NFIX: variants seen among roughly 807,000 people sequenced by gnomAD.
NFIX encodes the protein nuclear factor 1 X-type.
A neutral mutation model predicts 53.3 loss-of-function variants in NFIX; 2 were observed. The observed-to-expected ratio is 0.04, with a 90% CI of 0.02 to 0.12. The LOEUF (loss-of-function observed/expected upper bound fraction) is 0.12, where lower values mean the gene tolerates loss of function less well. Ranked by LOEUF, NFIX falls within the 10% of genes least tolerant of loss-of-function variation. The pLI, the probability that NFIX is intolerant of heterozygous loss-of-function variation, is 1.00. For missense variants in NFIX, 310 were observed against 674.5 expected (o/e 0.46, Z 5.99); for synonymous variants, 244 against 289.0 (o/e 0.84, Z 1.58).
rs976818977 is a variant in NFIX at position 13,051,540 on chromosome 19, C to T, written c.560-21507C>T. ...TCTAGTCAGCCAGTGACATCTCCCCCGTACCCAGGCCAGTGAGCCAGATTT... is the reference window on the plus strand; with the variant it reads ...TCTAGTCAGCCAGTGACATCTCCCCTGTACCCAGGCCAGTGAGCCAGATTT... On this transcript the variant is annotated intron_variant, in intron 2 of 10. Transcript: ENST00000592199. This position sits in a 1 kb window ranked among gnomAD's most constrained non-coding sequence, Gnocchi z 5.1. Among the ~76,000 whole-genome samples the T allele has an allele frequency of 2.6e-5, 4 of 152,212 alleles. No individual in the cohort carries two copies. Among genetic ancestry groups the T allele is most frequent in the Non-Finnish European group, 4.4e-5 (3 of 68,028 alleles).
At chr19:13,026,172 T>C (rs1018399556) in intron 2 of NFIX, among the ~76,000 whole-genome samples, 1 of 152,202 alleles carries the variant, frequency 6.6e-6, no homozygotes, top group Non-Finnish European at 1.5e-5. Context: ...GCTGTCAGTA[T>C]GAAAGTAATT....
intron 1 of NFIX, among the ~76,000 whole-genome samples, chr19:12,997,221 C>T (rs1217148071): frequency 1.3e-5 from 2 of 152,178 alleles, no homozygotes; most frequent in African/African-American, 2.4e-5. Flanking sequence ...AGGGGTTTGT[C>T]GGGGTGTGTG....
rs987734934 is a variant in NFIX, at chr19:13,052,588, C to T, written c.560-20459C>T. On this transcript the variant is annotated intron_variant, in intron 2 of 10. Coordinates refer to ENST00000592199, the MANE Select transcript of NFIX (RefSeq NM_001365902.3). This position sits in a 1 kb window ranked among gnomAD's most constrained non-coding sequence, Gnocchi z 5.2. The stretch of plus-strand genomic sequence containing the variant: ...GGGCACACTCCTGGCTTAGATAAGA[C>T]AATCCAGATTCTCTCAGAGAAACAG... 6.6e-6 allele frequency among the ~76,000 whole-genome samples: 1 copy of T among 152,186 alleles called. No homozygotes were observed. Among genetic ancestry groups the T allele is most frequent in the African/African-American group, 2.4e-5 (1 of 41,444 alleles).
chr19:13,092,862 G>A (rs1171867508), intron 10 of NFIX, among the ~76,000 whole-genome samples: 3 of 152,258 alleles, frequency 2.0e-5, no homozygotes, highest in Non-Finnish European at 4.4e-5. Context: ...AGCCTCGCCA[G>A]GCCCCAATGA....
At chr19:12,995,909 C>T (rs2011447172) in intron 1 of NFIX, 45 bp downstream of exon 1, 1 of 926,606 alleles carries the variant, frequency 1.1e-6, no homozygotes, top group Non-Finnish European at 1.3e-6. Context: ...GGAGCGGGCG[C>T]GGGAGGCCGG....
In NFIX at chr19:13,075,615, G is replaced by A. The variant is rs374776005; in HGVS notation, c.899G>A (p.Arg300His). The change falls in exon 6 of 11, where the codon CGT becomes CAT. Residue 300 changes from arginine (R) to histidine (H), a missense_variant. Physicochemically the swap from Arg to His is conservative, Grantham distance 29. This residue lies in a region of NFIX where 164 missense variants were observed against 284.4 expected (regional missense o/e 0.58). Coordinates refer to ENST00000592199, the MANE Select transcript of NFIX (RefSeq NM_001365902.3). ...VDDVFYPGTG[R>H]SPAAGSSQSS... is the part of the protein sequence containing the mutation. ...GACGTGTTCTATCCCGGGACAGGCC[G>A]TTCCCCAGCAGCTGGCAGCAGCCAG... The A allele has an allele frequency of 3.7e-6, 6 of 1,613,392 alleles. No individual in the cohort carries two copies. The African/African-American group carries it at 4.0e-5, about 11-fold the overall frequency.
intron 2 of NFIX, among the ~76,000 whole-genome samples, chr19:13,063,533 T>G (rs552804382): frequency 4.1e-4 from 62 of 152,198 alleles, no homozygotes; most frequent in African/African-American, 1.4e-3. Context: ...CTCTTTTTTG[T>G]TTTTGTCCCC....
Position 12,998,745 on chromosome 19 carries a change from C to G in NFIX, c.27+2881C>G, listed in dbSNP as rs907291483. On this transcript the variant is annotated intron_variant, in intron 1 of 10. Transcript: ENST00000592199. The surrounding 1 kb of genome is among the most constrained non-coding windows in gnomAD (Gnocchi z 4.4). ...CACGACCATCGACGAGCCTACAGAC[C>G]TACGGACACAGGAAACCGACGACTT... Among the ~76,000 whole-genome samples, 8 of 152,176 alleles carry G rather than the reference C, an allele frequency of 5.3e-5. No individual in the cohort carries two copies. Among genetic ancestry groups the G allele is most frequent in the Admixed American group, 2.0e-4 (3 of 15,280 alleles).
At chr19:13,061,928 C>G (rs2016116883) in intron 2 of NFIX, among the ~76,000 whole-genome samples, 1 of 152,174 alleles carries the variant, frequency 6.6e-6, no homozygotes, top group Non-Finnish European at 1.5e-5. Flanking sequence ...GGAGCCTAGG[C>G]TTCTGATTCC....
Position 13,001,831 on chromosome 19 carries a change from C to T in NFIX, c.27+5967C>T, listed in dbSNP as rs2011715469. ...TGGCGGCCGGGCAAGCGGCTGGGAG[C>T]GGGCTGGCTGCTCAGTCCCTTCCCA... On this transcript the variant is annotated intron_variant, in intron 1 of 10. Transcript: ENST00000592199. This position sits in a 1 kb window ranked among gnomAD's most constrained non-coding sequence, Gnocchi z 6.5. Among the ~76,000 whole-genome samples the T allele has an allele frequency of 2.6e-5, 4 of 152,220 alleles. No individual in the cohort carries two copies. Among genetic ancestry groups the T allele is most frequent in the South Asian group, 2.1e-4 (1 of 4,838 alleles).
chr19:13,012,256 C>T lies in NFIX; in HGVS notation c.28-12765C>T, dbSNP rs1273810381. On this transcript the variant is annotated intron_variant, in intron 1 of 10. Coordinates refer to ENST00000592199, the MANE Select transcript of NFIX (RefSeq NM_001365902.3). This position sits in a 1 kb window ranked among gnomAD's most constrained non-coding sequence, Gnocchi z 5.0. ...TGAGTGGAGAGTGGGGACCGCGGAC[C>T]CCGGGGGCAGGTGAGGGGAAACTGG... The T allele has an allele frequency of 6.6e-6, 1 of 152,420 alleles. No homozygotes were observed. Among genetic ancestry groups the T allele is most frequent in the African/African-American group, 2.4e-5 (1 of 41,462 alleles). 9.4% of individuals were successfully genotyped at this position (152,420 alleles called of 1,614,324 possible).
intron 1 of NFIX, among the ~76,000 whole-genome samples, chr19:13,003,813 A>T (rs894764916): frequency 1.3e-5 from 2 of 151,862 alleles, no homozygotes; most frequent in Admixed American, 6.6e-5. Context: ...TAATTTTTAA[A>T]TTTTTTTGTA....
intron 2 of NFIX, among the ~76,000 whole-genome samples, chr19:13,057,233 C>T (rs2015757110): frequency 2.0e-5 from 3 of 152,170 alleles, no homozygotes; most frequent in Admixed American, 2.0e-4. Context: ...GGTGGAGCCT[C>T]CCCCACCAAT....
intron 1 of NFIX, among the ~76,000 whole-genome samples, chr19:13,004,272 A>G (rs1210061480): frequency 6.6e-6 from 1 of 152,058 alleles, no homozygotes; most frequent in Non-Finnish European, 1.5e-5. Context: ...AGGCACAGCT[A>G]ACCCTTGACA....
intron 1 of NFIX, among the ~76,000 whole-genome samples, chr19:13,015,069 A>C (rs1050098234): frequency 5.9e-5 from 9 of 152,180 alleles, no homozygotes; most frequent in African/African-American, 2.2e-4. Flanking sequence ...TTGAGGTGCA[A>C]AGGGAGCTTT....
chr19:13,007,124 C>T (rs1252367038), intron 1 of NFIX, among the ~76,000 whole-genome samples: 1 of 152,166 alleles, frequency 6.6e-6, no homozygotes, highest in Non-Finnish European at 1.5e-5. Flanking sequence ...CTCCCTTCCT[C>T]CCCCTCTCGC....
At chr19:13,004,600 G>A (rs933238498) in intron 1 of NFIX, among the ~76,000 whole-genome samples, 10 of 152,184 alleles carry the variant, frequency 6.6e-5, no homozygotes, top group Non-Finnish European at 8.8e-5. Context: ...CTGTCTTTGC[G>A]CAGCAGCTAC....
In NFIX at chr19:13,001,419, T is replaced by C. The variant is rs552728050; in HGVS notation, c.27+5555T>C. Among the ~76,000 whole-genome samples the C allele has an allele frequency of 6.6e-6, 1 of 151,824 alleles. No individual in the cohort carries two copies. Among genetic ancestry groups the C allele is most frequent in the Non-Finnish European group, 1.5e-5 (1 of 67,998 alleles). On this transcript the variant is annotated intron_variant, in intron 1 of 10. Coordinates refer to ENST00000592199, the MANE Select transcript of NFIX (RefSeq NM_001365902.3). The surrounding 1 kb of genome is among the most constrained non-coding windows in gnomAD (Gnocchi z 6.5). ...GTGGGGGTCGGGGAGCGTGCCACCA[T>C]GCGTGTCAGTGTGCCGGATGTAGTC...
chr19:13,088,075 G>A lies in NFIX; in HGVS notation c.1341G>A (p.Met447Ile). The A allele has an allele frequency of 6.5e-7, 1 of 1,536,392 alleles. No homozygotes were observed. The highest frequency in any genetic ancestry group is 1.4e-5 in the African/African-American group (1 of 73,166). The change falls in exon 9 of 11, where the codon ATG (methionine) becomes ATA (isoleucine). Residue 447 changes from methionine (M) to isoleucine (I), a missense_variant. Met to Ile is a conservative substitution (Grantham distance 10). This residue lies in a region of NFIX where 35 missense variants were observed against 114.8 expected (regional missense o/e 0.30). Coordinates refer to ENST00000592199, the MANE Select transcript of NFIX (RefSeq NM_001365902.3). The surrounding 1 kb of genome is among the most constrained non-coding windows in gnomAD (Gnocchi z 5.9). ...TGGCCAGACCTGTGCCCCTTCCTAT[G>A]CCTGATTCCAAATCCACCAGCACTG... ...PPVARPVPLP[M>I]PDSKSTSTAP...
Sources: gnomAD v4.1 joint callset for allele counts (sites outside exome capture counted in the v4.1 genomes callset) on GRCh38, gnomAD v4.1.1 for gene constraint, gnomAD v4.1.1 regional missense constraint, Gnocchi (gnomAD v3.1) non-coding constraint, MANE v1.5 for transcripts, NCBI Gene and HGNC (gene_info 2026-07-23, HGNC 2026-07-21) for gene names.